Variants in MPZL3 observed in about 807,000 individuals in gnomAD.
MPZL3 encodes the protein myelin protein zero-like protein 3.
MPZL3 carries 23 observed loss-of-function variants against 24.8 expected under a neutral mutation model. The ratio of observed to expected loss-of-function variants is 0.93; its 90% CI spans 0.67 to 1.31. MPZL3 has a LOEUF of 1.31. MPZL3 is among the 40% of genes most tolerant of loss of function. MPZL3 has a pLI of 0.00. For synonymous variants in MPZL3, 99 were observed against 106.5 expected, an observed-to-expected ratio of 0.93 and a Z score of 0.44; for missense variants, 277 against 294.9, an observed-to-expected ratio of 0.94 and a Z score of 0.44.
chr11:118,250,726 G>A (rs1196780597), intron 1 of MPZL3, among the ~76,000 whole-genome samples: 2 of 151,854 alleles, frequency 1.3e-5, no homozygotes, highest in Non-Finnish European at 2.9e-5. Flanking sequence ...GATTACAGGC[G>A]CCCGCCACCA....
In MPZL3 at chr11:118,228,025, G is replaced by A. The variant is rs539399161; in HGVS notation, c.*1869C>T. The stretch of plus-strand genomic sequence containing the variant: ...AGACAACCACAAAAGTTAACAAGCA[G>A]TCCCAAAGTACCGTGAGGTTTAACC... On this transcript the variant is annotated 3_prime_UTR_variant, in exon 6 of 6. Transcript: ENST00000278949. 1 of 152,290 alleles carries A rather than the reference G, an allele frequency of 6.6e-6. No individual in the cohort carries two copies. Among genetic ancestry groups the A allele is most frequent in the Non-Finnish European group, 1.5e-5 (1 of 68,028 alleles). The allele number at this position is 152,290 out of a possible 1,614,324, so 9.4% of individuals were successfully genotyped here.
Position 118,227,019 on chromosome 11 carries a change from T to C in MPZL3, c.*2875A>G, listed in dbSNP as rs1455882571. On this transcript the variant is annotated 3_prime_UTR_variant, in exon 6 of 6. Coordinates refer to ENST00000278949, the MANE Select transcript of MPZL3 (RefSeq NM_198275.3). ...GATGTGGCCTCCAGAAGTGTCGTTT[T>C]GTTTTGTTTTGAACAAAGACGTGCT... The C allele has an allele frequency of 6.6e-6, 1 of 152,264 alleles. No homozygotes were observed. Among genetic ancestry groups the C allele is most frequent in the Non-Finnish European group, 1.5e-5 (1 of 68,046 alleles). 9.4% of individuals were successfully genotyped at this position (152,264 alleles called of 1,614,324 possible). A position where few individuals can be genotyped will look rare whatever the true frequency, so the allele number is the denominator to read the frequency against.
intron 1 of MPZL3, among the ~76,000 whole-genome samples, chr11:118,250,921 C>G (rs1041122705): frequency 2.0e-5 from 3 of 152,124 alleles, no homozygotes; most frequent in African/African-American, 7.2e-5. Context: ...ATCTATTCCA[C>G]AAGTACATAG....
chr11:118,237,216 T>A lies in MPZL3; in HGVS notation c.285A>T (p.Thr95=), dbSNP rs769568273. 5.0e-6 allele frequency: 8 copies of A among 1,613,976 alleles called. No individual in the cohort carries two copies. The highest frequency in any genetic ancestry group is 1.3e-5 in the African/African-American group (1 of 74,894). The stretch of plus-strand genomic sequence containing the variant: ...CAACCCAGGAAATCCGATCCCGAAA[T>A]GTGCCTGCTGTGGTTGGGTACTGGA... ...QSFQYPTTAG[T]FRDRISWVGN... Residue 95 remains threonine (T), a synonymous_variant, in exon 3 of 6, where the codon ACA becomes ACT. Transcript: ENST00000278949.
intron 1 of MPZL3, among the ~76,000 whole-genome samples, chr11:118,250,962 T>A (rs1949613534): frequency 6.6e-6 from 1 of 152,168 alleles, no homozygotes; most frequent in Non-Finnish European, 1.5e-5. Flanking sequence ...AATGTTTGAT[T>A]GAATTATATG....
At chr11:118,238,136 C>CA (rs61300443) in intron 2 of MPZL3, among the ~76,000 whole-genome samples, 32 of 147,428 alleles carry the variant, frequency 2.2e-4, no homozygotes, top group Non-Finnish European at 3.6e-4. Context: ...GACTCCGCCT[C>CA]AAAAAAAAAA....
chr11:118,235,406 G>A lies in MPZL3; in HGVS notation c.617+18C>T, dbSNP rs1276686837. 6.2e-7 allele frequency: 1 copy of A among 1,612,150 alleles called. No homozygotes were observed. Among genetic ancestry groups the A allele is most frequent in the African/African-American group, 1.3e-5 (1 of 74,800 alleles). ...AGGAGGAAACAGGCTTGCTGCCCAG[G>A]GCTCCTGCTGGACTTACTCATCGGA... On this transcript the variant is annotated intron_variant, in intron 4 of 5. Transcript: ENST00000278949.
chr11:118,250,168 A>ATTT (rs71041823), intron 1 of MPZL3, among the ~76,000 whole-genome samples: 7 of 104,258 alleles, frequency 6.7e-5, no homozygotes, highest in Admixed American at 1.1e-4. Context: ...CACCTGGCTA[A>ATTT]TTTTTTTTTT....
intron 1 of MPZL3, among the ~76,000 whole-genome samples, chr11:118,242,688 A>G (rs1469736774): frequency 6.6e-6 from 1 of 152,180 alleles, no homozygotes; most frequent in Non-Finnish European, 1.5e-5. Flanking sequence ...CCATATCCCA[A>G]CATTCACACA....
At chr11:118,232,714 C>T (rs903389956) in intron 5 of MPZL3, among the ~76,000 whole-genome samples, 1 of 152,108 alleles carries the variant, frequency 6.6e-6, no homozygotes, top group African/African-American at 2.4e-5. Flanking sequence ...TCTCATCTTC[C>T]CTATGATACT....
At chr11:118,240,046 G>A (rs753815568) in intron 2 of MPZL3, among the ~76,000 whole-genome samples, 165 bp downstream of exon 2, 7 of 152,168 alleles carry the variant, frequency 4.6e-5, no homozygotes, top group South Asian at 4.1e-4. Context: ...GGGGCCCTGC[G>A]TGACCAAATG....
At chr11:118,245,214 C>CA (rs1949545488) in intron 1 of MPZL3, among the ~76,000 whole-genome samples, 1 of 152,038 alleles carries the variant, frequency 6.6e-6, no homozygotes, top group Non-Finnish European at 1.5e-5. Context: ...GCCTGGCCAA[C>CA]ATGGCGAAAC....
At chr11:118,250,142 CA>C (rs1949601835) in intron 1 of MPZL3, among the ~76,000 whole-genome samples, 1 of 148,216 alleles carries the variant, frequency 6.7e-6, no homozygotes, top group African/African-American at 2.5e-5. Flanking sequence ...TCTGGGATAA[CA>C]GGGGCATGTC....
At chr11:118,236,489 A>C (rs1353373856) in intron 3 of MPZL3, among the ~76,000 whole-genome samples, 1 of 152,202 alleles carries the variant, frequency 6.6e-6, no homozygotes. Flanking sequence ...CTTTAGCTCA[A>C]ATCCAATTAA....
intron 1 of MPZL3, among the ~76,000 whole-genome samples, chr11:118,251,007 A>C (rs1715461): frequency 0.15 from 22,624 of 152,016 alleles, 5,011 homozygotes; most frequent in African/African-American, 0.49. Flanking sequence ...TTCAAAGCAA[A>C]ATGACATTAG....
chr11:118,231,132 C>T (rs1027656910), intron 5 of MPZL3, among the ~76,000 whole-genome samples: 5 of 152,194 alleles, frequency 3.3e-5, no homozygotes, highest in African/African-American at 1.2e-4. Context: ...GACAAGTTTT[C>T]ATTCCCACTA....
At chr11:118,242,050 C>A (rs1452922841) in intron 1 of MPZL3, among the ~76,000 whole-genome samples, 1 of 150,482 alleles carries the variant, frequency 6.6e-6, no homozygotes, top group Non-Finnish European at 1.5e-5. Context: ...GCTCTAAAAA[C>A]TGGAAGGTGG....
intron 1 of MPZL3, among the ~76,000 whole-genome samples, chr11:118,241,617 C>T (rs12419365): frequency 6.6e-6 from 1 of 152,138 alleles, no homozygotes; most frequent in African/African-American, 2.4e-5. Flanking sequence ...GTGCTCAGTG[C>T]GTGTTAGACA....
chr11:118,236,930 A>G, intron 3 of MPZL3, 120 bp downstream of exon 3: 1 of 773,600 alleles, frequency 1.3e-6, no homozygotes, highest in South Asian at 2.1e-5. Context: ...CTTCGATTCA[A>G]TGATTTAATG....
Sources: gnomAD v4.1 joint callset for allele counts (sites outside exome capture counted in the v4.1 genomes callset) on GRCh38, gnomAD v4.1.1 for gene constraint, MANE v1.5 for transcripts, NCBI Gene and HGNC (gene_info 2026-07-23, HGNC 2026-07-21) for gene names.